Variants in DNER observed in about 807,000 individuals in gnomAD.
DNER encodes the protein delta and Notch-like epidermal growth factor-related receptor.
Under a neutral mutation model 78.2 loss-of-function variants are expected in DNER, and 33 were observed. The ratio of observed to expected loss-of-function variants is 0.42; its 90% confidence interval spans 0.32 to 0.56. The LOEUF (loss-of-function observed/expected upper bound fraction) is 0.56. Ranked by LOEUF, DNER falls within the 20% of genes least tolerant of loss-of-function variation. The pLI is 0.11. For missense variants in DNER, 918 were observed against 975.3 expected, an observed-to-expected ratio of 0.94 and a Z score of 0.78; for synonymous variants, 417 against 384.8, an observed-to-expected ratio of 1.08 and a Z score of -0.98.
intron 7 of DNER, 114 bp downstream of exon 7, chr2:229,477,026 A>C (rs1695051449): frequency 1.2e-6 from 1 of 800,246 alleles, no homozygotes; most frequent in Non-Finnish European, 1.9e-6. Flanking sequence ...TAAATCAAAC[A>C]AAACAGGAAG....
chr2:229,393,795 C>T (rs1003660562), intron 10 of DNER, among the ~76,000 whole-genome samples: 5 of 151,446 alleles, frequency 3.3e-5, no homozygotes, highest in African/African-American at 9.7e-5. Flanking sequence ...TGCAGTGAGC[C>T]GGGTTCATGC....
At chr2:229,633,372 C>T (rs895400074) in intron 1 of DNER, among the ~76,000 whole-genome samples, 1 of 152,134 alleles carries the variant, frequency 6.6e-6, no homozygotes, top group Non-Finnish European at 1.5e-5. Flanking sequence ...TTGAATATCT[C>T]TAGGGAATAA....
chr2:229,684,145 TGAGAGAGA>T lies in DNER; in HGVS notation c.276+29995_276+30002del, dbSNP rs67820927. ...GTGTTTGTGTGTGTGTCTGTGTATG[TGAGAGAGA>T]GAGAGAGAGAGAGAGAGTGTGTGTG... On this transcript the variant is annotated intron_variant, in intron 1 of 12. Transcript: ENST00000341772. 7.6e-3 allele frequency among the ~76,000 whole-genome samples: 937 copies of T among 123,032 alleles called. 21 individuals carry two copies. The highest frequency in any genetic ancestry group is 0.027 in the African/African-American group (834 of 30,614). The allele number at this position is 123,032 out of a possible 152,430, so 80.7% of individuals were successfully genotyped here.
chr2:229,514,737 C>T (rs1695934637), intron 5 of DNER, among the ~76,000 whole-genome samples: 1 of 152,228 alleles, frequency 6.6e-6, no homozygotes, highest in South Asian at 2.1e-4. Flanking sequence ...GTCCCTTGCA[C>T]ATGAGATCAT....
intron 11 of DNER, among the ~76,000 whole-genome samples, chr2:229,381,956 G>A (rs924346757): frequency 6.6e-6 from 1 of 152,132 alleles, no homozygotes; most frequent in Non-Finnish European, 1.5e-5. Flanking sequence ...CCTCAAGTGG[G>A]TGCCTCCTGA....
At chr2:229,630,162 T>A (rs988807966) in intron 1 of DNER, among the ~76,000 whole-genome samples, 1 of 152,112 alleles carries the variant, frequency 6.6e-6, no homozygotes, top group African/African-American at 2.4e-5. Flanking sequence ...ACCCTAGAAG[T>A]GTTATAGACT....
chr2:229,636,518 C>T (rs987854338), intron 1 of DNER, among the ~76,000 whole-genome samples: 2 of 152,212 alleles, frequency 1.3e-5, no homozygotes, highest in African/African-American at 4.8e-5. Flanking sequence ...AGTCCTGCGT[C>T]TTACTGACTA....
At chr2:229,697,261 T>A (rs866540982) in intron 1 of DNER, among the ~76,000 whole-genome samples, 7 of 152,196 alleles carry the variant, frequency 4.6e-5, no homozygotes, top group Non-Finnish European at 7.3e-5. Context: ...AGTCACATAA[T>A]GGATTACTCC....
At chr2:229,564,119 C>G (rs1292847718) in intron 4 of DNER, among the ~76,000 whole-genome samples, 1 of 137,034 alleles carries the variant, frequency 7.3e-6, no homozygotes, top group East Asian at 2.5e-4. Flanking sequence ...CACCCCATCA[C>G]CATCATCATC....
At chr2:229,537,945 T>C (rs1574891339) in intron 5 of DNER, among the ~76,000 whole-genome samples, 1 of 152,298 alleles carries the variant, frequency 6.6e-6, no homozygotes, top group East Asian at 1.9e-4. Context: ...GATGATACAA[T>C]CATCCTTCTG....
chr2:229,459,731 C>T (rs955306479), intron 7 of DNER, among the ~76,000 whole-genome samples: 6 of 151,998 alleles, frequency 3.9e-5, no homozygotes, highest in Admixed American at 6.6e-5. Flanking sequence ...AAGTCGAAAA[C>T]GCCGTGCTAG....
chr2:229,471,951 C>A (rs1028326481), intron 7 of DNER, among the ~76,000 whole-genome samples: 1 of 152,196 alleles, frequency 6.6e-6, no homozygotes, highest in Non-Finnish European at 1.5e-5. Flanking sequence ...AATCTACTGA[C>A]CTCCAGGCCA....
intron 9 of DNER, among the ~76,000 whole-genome samples, chr2:229,417,228 A>G (rs1181309500): frequency 6.6e-6 from 1 of 152,184 alleles, no homozygotes; most frequent in Non-Finnish European, 1.5e-5. Context: ...AAATAAAGGT[A>G]GGTTCATCCA....
intron 1 of DNER, among the ~76,000 whole-genome samples, chr2:229,631,846 C>T (rs1698437914): frequency 1.3e-5 from 2 of 152,204 alleles, no homozygotes; most frequent in South Asian, 2.1e-4. Flanking sequence ...AAATGGAAAT[C>T]ATAACAGCAT....
At chr2:229,592,137 A>C (rs1249016654) in intron 1 of DNER, among the ~76,000 whole-genome samples, 1 of 152,200 alleles carries the variant, frequency 6.6e-6, no homozygotes, top group Non-Finnish European at 1.5e-5. Context: ...TCAAAACCCA[A>C]AACACCCAAT....
intron 4 of DNER, among the ~76,000 whole-genome samples, chr2:229,551,760 C>G (rs1202107837): frequency 6.6e-6 from 1 of 151,988 alleles, no homozygotes; most frequent in African/African-American, 2.4e-5. Context: ...AGTGAAACCC[C>G]ATCTCTACTA....
chr2:229,498,902 T>A (rs899387582), intron 6 of DNER, among the ~76,000 whole-genome samples: 2 of 152,130 alleles, frequency 1.3e-5, no homozygotes, highest in East Asian at 1.9e-4. Context: ...ACAGAAATTT[T>A]AAAAAAATTC....
chr2:229,368,977 C>T (rs1217893065), intron 11 of DNER, among the ~76,000 whole-genome samples: 1 of 152,116 alleles, frequency 6.6e-6, no homozygotes, highest in Non-Finnish European at 1.5e-5. Context: ...TTAAAGAAGA[C>T]ATTTGTAGGA....
chr2:229,387,891 G>GTGTGTGTT (rs1240360263), intron 11 of DNER, among the ~76,000 whole-genome samples: 16 of 57,132 alleles, frequency 2.8e-4, no homozygotes, highest in African/African-American at 5.2e-4. Context: ...GTGTGTGTGT[G>GTGTGTGTT]TTTTTTAATT....
Sources: gnomAD v4.1 joint callset for allele counts (sites outside exome capture counted in the v4.1 genomes callset) on GRCh38, gnomAD v4.1.1 for gene constraint, MANE v1.5 for transcripts, NCBI Gene and HGNC (gene_info 2026-07-23, HGNC 2026-07-21) for gene names.